SOX5: variants seen among roughly 807,000 people sequenced by gnomAD.
SOX5 encodes transcription factor SOX-5.
A neutral mutation model predicts 92.0 loss-of-function variants in SOX5; 9 were observed. That is an observed-to-expected ratio of 0.10 (90% confidence interval 0.06 to 0.17). The LOEUF (loss-of-function observed/expected upper bound fraction) is 0.17. Ranked by LOEUF, SOX5 falls within the 10% of genes least tolerant of loss-of-function variation. The pLI is 1.00. For missense variants in SOX5, 642 were observed against 944.5 expected, an observed-to-expected ratio of 0.68 and a Z score of 4.20; for synonymous variants, 344 against 336.3, an observed-to-expected ratio of 1.02 and a Z score of -0.25.
chr12:23,804,266 A>G (rs1024840889), intron 3 of SOX5, among the ~76,000 whole-genome samples: 1 of 152,172 alleles, frequency 6.6e-6, no homozygotes, highest in African/African-American at 2.4e-5. Flanking sequence ...CGTGAGGTTA[A>G]CTGATCACAC....
intron 1 of SOX5, among the ~76,000 whole-genome samples, chr12:24,521,499 A>T (rs536729182): frequency 4.6e-5 from 7 of 152,248 alleles, no homozygotes; most frequent in Admixed American, 1.3e-4. Context: ...CCAAAGGCAG[A>T]ATATACATTC....
At chr12:24,550,245 A>G (rs1218538066) in intron 1 of SOX5, among the ~76,000 whole-genome samples, 1 of 152,216 alleles carries the variant, frequency 6.6e-6, no homozygotes, top group Non-Finnish European at 1.5e-5. Context: ...TGTGCTTTCA[A>G]GTGAGACAGG....
intron 2 of SOX5, among the ~76,000 whole-genome samples, chr12:24,354,920 T>C (rs1365611794): frequency 6.6e-6 from 1 of 152,136 alleles, no homozygotes; most frequent in Non-Finnish European, 1.5e-5. Flanking sequence ...GAGGGGAGAT[T>C]CTTTGACTTT....
At chr12:23,877,850 T>G (rs2096944650) in intron 2 of SOX5, among the ~76,000 whole-genome samples, 1 of 152,042 alleles carries the variant, frequency 6.6e-6, no homozygotes, top group South Asian at 2.1e-4. Context: ...ACATTACCCT[T>G]TATCACTTCT....
chr12:23,697,483 T>G (rs1207235639), intron 6 of SOX5, among the ~76,000 whole-genome samples: 1 of 152,198 alleles, frequency 6.6e-6, no homozygotes, highest in African/African-American at 2.4e-5. Flanking sequence ...GTGTCTTCCT[T>G]CTTTTTTGTT....
intron 13 of SOX5, among the ~76,000 whole-genome samples, chr12:23,538,918 A>G (rs1941268046): frequency 6.8e-6 from 1 of 148,102 alleles, no homozygotes; most frequent in African/African-American, 2.5e-5. Flanking sequence ...CTCCTGCCTC[A>G]GCCTCCCGAG....
intron 6 of SOX5, among the ~76,000 whole-genome samples, chr12:23,672,632 C>T (rs73279973): frequency 6.6e-6 from 1 of 152,010 alleles, no homozygotes; most frequent in African/African-American, 2.4e-5. Context: ...TCCTTCAGGG[C>T]AACTGTCATT....
At chr12:23,567,596 G>C (rs1947362485) in intron 10 of SOX5, among the ~76,000 whole-genome samples, 1 of 151,682 alleles carries the variant, frequency 6.6e-6, no homozygotes, top group Admixed American at 6.6e-5. Flanking sequence ...GAGTAGCTGG[G>C]ACTATGGGCA....
intron 6 of SOX5, among the ~76,000 whole-genome samples, chr12:23,686,500 G>A (rs899527373): frequency 6.6e-6 from 1 of 152,140 alleles, no homozygotes; most frequent in Non-Finnish European, 1.5e-5. Context: ...GCCAATTGGC[G>A]ACTCTCTAAT....
In SOX5 at chr12:23,688,361, G is replaced by A. The variant is rs553719179; in HGVS notation, c.811-22797C>T. ...CATCTTCACTTAATCAAATGGTTCT[G>A]ATACACTCTCAGTATTGGAAACACT... On this transcript the variant is annotated intron_variant, in intron 6 of 14. Transcript: ENST00000451604. Among the ~76,000 whole-genome samples the A allele has an allele frequency of 8.5e-5, 13 of 152,078 alleles. No individual in the cohort carries two copies. The South Asian group carries it at 2.5e-3, about 29-fold the overall frequency.
At chr12:23,851,085 A>G (rs79108651) in intron 2 of SOX5, among the ~76,000 whole-genome samples, 1 of 146,328 alleles carries the variant, frequency 6.8e-6, no homozygotes, top group Non-Finnish European at 1.5e-5. Flanking sequence ...CTTGCAAAAG[A>G]AAAAAAAAAC....
intron 2 of SOX5, among the ~76,000 whole-genome samples, chr12:24,344,965 T>C (rs1953059211): frequency 3.9e-5 from 6 of 152,180 alleles, no homozygotes; most frequent in Admixed American, 3.9e-4. Context: ...CATGAAAGTC[T>C]TTTAAGGATT....
At chr12:24,336,904 T>C (rs1182937881) in intron 2 of SOX5, among the ~76,000 whole-genome samples, 3 of 152,200 alleles carry the variant, frequency 2.0e-5, no homozygotes, top group African/African-American at 4.8e-5. Context: ...TGCAAGTCTT[T>C]GGGCATTTTC....
intron 1 of SOX5, among the ~76,000 whole-genome samples, chr12:24,501,333 G>C (rs1948173077): frequency 6.8e-6 from 1 of 147,996 alleles, no homozygotes; most frequent in South Asian, 2.1e-4. Context: ...ATAGGGGCAA[G>C]ATATGTGCGT....
chr12:23,985,875 C>T (rs767962586), intron 4 of SOX5, among the ~76,000 whole-genome samples: 10 of 151,920 alleles, frequency 6.6e-5, no homozygotes, highest in Non-Finnish European at 1.2e-4. Context: ...CATTTTCTTG[C>T]CTTTTCTAGC....
intron 1 of SOX5, among the ~76,000 whole-genome samples, chr12:24,413,877 C>T (rs944156400): frequency 2.0e-5 from 3 of 152,178 alleles, no homozygotes; most frequent in African/African-American, 7.2e-5. Context: ...ATATATTCCA[C>T]ATTATGCAGT....
At chr12:24,055,327 G>C (rs1358839432) in intron 4 of SOX5, among the ~76,000 whole-genome samples, 1 of 152,150 alleles carries the variant, frequency 6.6e-6, no homozygotes, top group Non-Finnish European at 1.5e-5. Context: ...TATGGCAGGG[G>C]TCCCTCACAG....
At chr12:24,049,910 C>A (rs1367982252) in intron 4 of SOX5, among the ~76,000 whole-genome samples, 1 of 151,648 alleles carries the variant, frequency 6.6e-6, no homozygotes, top group African/African-American at 2.4e-5. Flanking sequence ...CACCATCTGG[C>A]AGGGATATGG....
intron 1 of SOX5, chr12:23,920,690 A>G (rs1937942483): frequency 1.3e-5 from 2 of 152,308 alleles, no homozygotes; most frequent in South Asian, 2.1e-4. Flanking sequence ...AAAACTGTCT[A>G]TAAGTGGGAG....
Sources: gnomAD v4.1 joint callset for allele counts (sites outside exome capture counted in the v4.1 genomes callset) on GRCh38, gnomAD v4.1.1 for gene constraint, MANE v1.5 for transcripts, NCBI Gene and HGNC (gene_info 2026-07-23, HGNC 2026-07-21) for gene names.